Variants in RGS8 observed in about 807,000 individuals in gnomAD.
RGS8 encodes regulator of G protein signaling 8, also known as regulator of G-protein signaling 8.
Under a neutral mutation model 21.7 loss-of-function variants are expected in RGS8, and 8 were observed. That is an observed-to-expected ratio of 0.37 (90% confidence interval 0.22 to 0.66). The LOEUF is 0.66. Ranked by LOEUF, RGS8 falls within the 30% of genes least tolerant of loss-of-function variation. RGS8 has a pLI of 0.59. For missense variants in RGS8, 157 were observed against 217.9 expected, an observed-to-expected ratio of 0.72 and a Z score of 1.76; for synonymous variants, 80 against 83.6, an observed-to-expected ratio of 0.96 and a Z score of 0.24.
At chr1:182,658,734 A>T (rs1663405917) in intron 5 of RGS8, 1 of 152,204 alleles carries the variant, frequency 6.6e-6, no homozygotes, top group Non-Finnish European at 1.5e-5. Flanking sequence ...GTAATTCCAA[A>T]TATTCAGGAG....
Position 182,682,852 on chromosome 1 carries a change from C to T in RGS8, n.221+1504G>A, listed in dbSNP as rs1664581131. Among the ~76,000 whole-genome samples, 6 of 152,186 alleles carry T rather than the reference C, an allele frequency of 3.9e-5. No individual in the cohort carries two copies. In the South Asian group the frequency reaches 1.2e-3, roughly 32 times the overall value. On this transcript the variant is annotated intron_variant and non_coding_transcript_variant, in intron 1 of 4. Transcript: ENST00000515211. Reference sequence around the variant, plus strand: ...GCTCAGCTGTCCATCCACACTCTTGCTCTGTCCTCTAAGAGCCCCTTGCTA... The same window carrying T: ...GCTCAGCTGTCCATCCACACTCTTGTTCTGTCCTCTAAGAGCCCCTTGCTA...
At chr1:182,676,164 GCAC>G (rs1223351820), upstream of RGS8, among the ~76,000 whole-genome samples, 1 of 152,172 alleles carries the variant, frequency 6.6e-6, no homozygotes, top group Non-Finnish European at 1.5e-5. Context: ...AGCAAAAGGA[GCAC>G]CTGGCATTGT....
At chr1:182,706,357 C>A in the RGS8 span, among the ~76,000 whole-genome samples, 1 of 152,160 alleles carries the variant, frequency 6.6e-6, no homozygotes, top group Non-Finnish European at 1.5e-5. Flanking sequence ...CTGATCGTGC[C>A]ACCTGCTAGA....
the RGS8 span, among the ~76,000 whole-genome samples, chr1:182,706,365 A>G: frequency 1.3e-5 from 2 of 152,214 alleles, no homozygotes; most frequent in Non-Finnish European, 2.9e-5. Flanking sequence ...GCCACCTGCT[A>G]GAACTGAGCT....
At chr1:182,720,805 T>C in the RGS8 span, among the ~76,000 whole-genome samples, 1 of 151,302 alleles carries the variant, frequency 6.6e-6, no homozygotes, top group Non-Finnish European at 1.5e-5. Flanking sequence ...GTGTGTGTGA[T>C]TGCGTGCATG....
the RGS8 span, among the ~76,000 whole-genome samples, chr1:182,705,905 C>T: frequency 1.3e-5 from 2 of 152,192 alleles, no homozygotes; most frequent in Admixed American, 6.5e-5. Flanking sequence ...GACATTGGAG[C>T]AACAGGCCCT....
intron 5 of RGS8, among the ~76,000 whole-genome samples, chr1:182,663,581 T>C (rs997477796): frequency 1.6e-4 from 24 of 152,110 alleles, no homozygotes; most frequent in African/African-American, 5.6e-4. Flanking sequence ...CAGGCTGGAA[T>C]ATAGTGGTGT....
At chr1:182,731,800 A>T in the RGS8 span, among the ~76,000 whole-genome samples, 3 of 152,236 alleles carry the variant, frequency 2.0e-5, no homozygotes, top group South Asian at 6.2e-4. Context: ...AGTTTGAAAA[A>T]CAGCAGTATA....
upstream of RGS8, among the ~76,000 whole-genome samples, chr1:182,688,730 C>T (rs1664758562): frequency 6.6e-6 from 1 of 152,136 alleles, no homozygotes; most frequent in Non-Finnish European, 1.5e-5. Flanking sequence ...TGTTTGCTAG[C>T]TTTGAAATGG....
the RGS8 span, among the ~76,000 whole-genome samples, chr1:182,738,598 G>T: frequency 1.3e-5 from 2 of 152,136 alleles, no homozygotes; most frequent in Admixed American, 1.3e-4. Context: ...GGCCATGCCA[G>T]GTATACTCTG....
At chr1:182,643,565 C>T (rs1662573117), downstream of RGS8, 1 of 152,058 alleles carries the variant, frequency 6.6e-6, no homozygotes, top group Non-Finnish European at 1.5e-5. Flanking sequence ...GTCCACAGGC[C>T]ACTAGCCATC....
the RGS8 span, chr1:182,712,729 G>A: frequency 1.3e-5 from 2 of 152,138 alleles, no homozygotes; most frequent in Non-Finnish European, 2.9e-5. Flanking sequence ...CAAAAAGTTG[G>A]TATCAGAACA....
chr1:182,684,746 C>T (rs1277036107), upstream of RGS8, among the ~76,000 whole-genome samples: 2 of 152,080 alleles, frequency 1.3e-5, no homozygotes, highest in African/African-American at 2.4e-5. The surrounding 1 kb of genome is among the most constrained non-coding windows in gnomAD (Gnocchi z 4.2). Context: ...CAGACAGCTG[C>T]CTCCGAGGGG....
the RGS8 span, among the ~76,000 whole-genome samples, chr1:182,739,274 G>T: frequency 6.6e-6 from 1 of 152,146 alleles, no homozygotes; most frequent in Admixed American, 6.5e-5. Flanking sequence ...AGTGCTTAAC[G>T]TGAGAGAAAA....
chr1:182,715,505 T>A, the RGS8 span, among the ~76,000 whole-genome samples: 1 of 152,210 alleles, frequency 6.6e-6, no homozygotes, highest in Admixed American at 6.5e-5. Flanking sequence ...TGCTTTAGAT[T>A]AGCAGTTTCC....
the RGS8 span, among the ~76,000 whole-genome samples, chr1:182,738,956 A>C: frequency 6.6e-6 from 1 of 152,238 alleles, no homozygotes; most frequent in Non-Finnish European, 1.5e-5. Flanking sequence ...AGAGGACTAA[A>C]GAGACAATCT....
At chr1:182,721,874 A>C in the RGS8 span, among the ~76,000 whole-genome samples, 2 of 152,226 alleles carry the variant, frequency 1.3e-5, no homozygotes, top group South Asian at 2.1e-4. Flanking sequence ...TTCCAATCAC[A>C]TGTATATACA....
chr1:182,661,106 T>C (rs1292465271), intron 5 of RGS8, among the ~76,000 whole-genome samples: 1 of 151,664 alleles, frequency 6.6e-6, no homozygotes, highest in Non-Finnish European at 1.5e-5. Flanking sequence ...TGGGGTCTTC[T>C]GCTTGGTTGC....
chr1:182,699,059 G>T, the RGS8 span, among the ~76,000 whole-genome samples: 1 of 152,190 alleles, frequency 6.6e-6, no homozygotes, highest in Non-Finnish European at 1.5e-5. Flanking sequence ...TTCTGAAAAG[G>T]TTAAGGCAGA....
Sources: allele counts gnomAD v4.1 joint callset (sites outside exome capture counted in the v4.1 genomes callset), GRCh38; gene constraint gnomAD v4.1.1; non-coding constraint Gnocchi (gnomAD v3.1); transcripts MANE v1.5; gene names NCBI Gene and HGNC (gene_info 2026-07-23, HGNC 2026-07-21).